The following NAPA variants were observed in gnomAD, a reference collection of about 807,000 sequenced individuals.
NAPA encodes NSF attachment protein alpha.
A neutral mutation model predicts 48.0 loss-of-function variants in NAPA; 18 were observed. The observed-to-expected ratio is 0.38, with a 90% CI of 0.26 to 0.56. The LOEUF is 0.56. NAPA is among the 20% of genes least tolerant of loss of function. The pLI, the probability that NAPA is intolerant of heterozygous loss-of-function variation, is 0.77. For missense variants in NAPA, 315 were observed against 385.0 expected (o/e 0.82, Z 1.52); for synonymous variants, 152 against 149.9 (o/e 1.01, Z -0.10).
chr19:47,492,426 A>C (rs1247330628), intron 7 of NAPA: 2 of 438,314 alleles, frequency 4.6e-6, no homozygotes, highest in African/African-American at 4.0e-5. Flanking sequence ...GACCAACGGG[A>C]GGCTGGCATG....
rs138670584 is a variant in NAPA at position 47,514,573 on chromosome 19, G to T, written c.98+270C>A. ...GTCTTCGGCCTGGGTCCCCTTCCTC[G>T]CCTCAAGATAGTGTCGCCTCGGTCC... is the stretch of plus-strand genomic sequence containing the variant. On this transcript the variant is annotated intron_variant, in intron 1 of 10. Transcript: ENST00000263354. 9.5e-4 allele frequency among the ~76,000 whole-genome samples: 144 copies of T among 152,094 alleles called. 2 individuals carry two copies. The Middle Eastern group carries it at 0.014, about 14-fold the overall frequency.
intron 3 of NAPA, chr19:47,497,054 GAC>G: frequency 3.3e-6 from 1 of 301,262 alleles, no homozygotes; most frequent in South Asian, 2.6e-5. Context: ...GCAGTTTGAA[GAC>G]ACATACATCC....
intron 3 of NAPA, chr19:47,497,501 C>T (rs1380649406): frequency 6.6e-6 from 1 of 152,616 alleles, no homozygotes; most frequent in Non-Finnish European, 1.5e-5. Flanking sequence ...GAGCTTCTGA[C>T]ACACTCATGA....
rs1414348937 is a variant in NAPA at position 47,493,303 on chromosome 19, C to T, written c.420+113G>A. 8.1e-6 allele frequency: 12 copies of T among 1,480,934 alleles called. No homozygotes were observed. Among genetic ancestry groups the T allele is most frequent in the South Asian group, 1.2e-5 (1 of 84,396 alleles). 91.7% of individuals were successfully genotyped at this position (1,480,934 alleles called of 1,614,324 possible). A position where few individuals can be genotyped will look rare whatever the true frequency, so the allele number is the denominator to read the frequency against. ...GACCCCATTCTCCAAGCTCTGCCGGCGCCCCATGCCCCCTTCTCGGCACTC... is the reference window on the plus strand; with the variant it reads ...GACCCCATTCTCCAAGCTCTGCCGGTGCCCCATGCCCCCTTCTCGGCACTC... On this transcript the variant is annotated intron_variant, in intron 5 of 10. Transcript: ENST00000263354. This position sits in a 1 kb window ranked among gnomAD's most constrained non-coding sequence, Gnocchi z 6.4.
At chr19:47,492,726 T>C in intron 7 of NAPA, 1 of 652,708 alleles carries the variant, frequency 1.5e-6, no homozygotes, top group Non-Finnish European at 2.8e-6. Flanking sequence ...GCGAGGGGTG[T>C]GGGAGGGGCA....
intron 3 of NAPA, among the ~76,000 whole-genome samples, chr19:47,497,907 G>C (rs956786480): frequency 6.6e-6 from 1 of 152,204 alleles, no homozygotes; most frequent in South Asian, 2.1e-4. Context: ...CTCTGCCCCA[G>C]GTACACACAC....
downstream of NAPA, among the ~76,000 whole-genome samples, chr19:47,485,242 CAA>C (rs1968037739): frequency 6.6e-6 from 1 of 152,114 alleles, no homozygotes; most frequent in South Asian, 2.1e-4. Context: ...ACGTCCTTTG[CAA>C]ATCTGTCTCA....
chr19:47,494,679 A>G (rs780260606), intron 4 of NAPA, among the ~76,000 whole-genome samples: 2 of 139,312 alleles, frequency 1.4e-5, no homozygotes, highest in Non-Finnish European at 3.1e-5. Context: ...CAGAGGTTGC[A>G]GTGAGTGGAG....
chr19:47,511,223 G>A (rs1014212546), intron 1 of NAPA, among the ~76,000 whole-genome samples: 1 of 152,202 alleles, frequency 6.6e-6, no homozygotes, highest in Admixed American at 6.5e-5. Flanking sequence ...AATAAAGGTG[G>A]GTTATGAAAT....
chr19:47,500,779 C>T lies in NAPA; in HGVS notation c.179-30G>A, dbSNP rs143913685. On this transcript the variant is annotated intron_variant, in intron 2 of 10. Coordinates refer to ENST00000263354, the MANE Select transcript of NAPA (RefSeq NM_003827.4). The stretch of plus-strand genomic sequence containing the variant: ...AACAGAAGAGAAGGGCAGTCCTGGC[C>T]TCAGTGGGGCTCCACACTTTATGAA... 1.5e-4 allele frequency: 224 copies of T among 1,519,534 alleles called. No individual in the cohort carries two copies. In the African/African-American group the frequency reaches 2.6e-3, roughly 18 times the overall value. 94.1% of individuals were successfully genotyped at this position (1,519,534 alleles called of 1,614,324 possible).
intron 1 of NAPA, among the ~76,000 whole-genome samples, chr19:47,511,114 T>C (rs779786328): frequency 6.6e-6 from 1 of 152,174 alleles, no homozygotes; most frequent in Non-Finnish European, 1.5e-5. Context: ...TGTGGGATGC[T>C]GTCATTGCTG....
In NAPA at chr19:47,500,761, G is replaced by T; in HGVS notation, c.179-12C>A. ...CGCGTTTCCAGCAGCTGGAACAGAA[G>T]AGAAGGGCAGTCCTGGCCTCAGTGG... On this transcript the variant is annotated splice_polypyrimidine_tract_variant and intron_variant, in intron 2 of 10. Coordinates refer to ENST00000263354, the MANE Select transcript of NAPA (RefSeq NM_003827.4). The T allele has an allele frequency of 6.3e-7, 1 of 1,593,504 alleles. No homozygotes were observed. Among genetic ancestry groups the T allele is most frequent in the Non-Finnish European group, 8.6e-7 (1 of 1,168,448 alleles).
rs538001600 is a variant in NAPA at position 47,508,049 on chromosome 19, G to A, written c.99-4547C>T. On this transcript the variant is annotated intron_variant, in intron 1 of 10. Transcript: ENST00000263354. ...CCCTCCTCTAGATTAAAGAAGCCAGGGAGCCTGTACTGCCTAGGCTTCCCT... is the reference window on the plus strand; with the variant it reads ...CCCTCCTCTAGATTAAAGAAGCCAGAGAGCCTGTACTGCCTAGGCTTCCCT... Among the ~76,000 whole-genome samples the A allele has an allele frequency of 3.3e-5, 5 of 152,282 alleles. No individual in the cohort carries two copies. In the East Asian group the frequency reaches 9.7e-4, roughly 29 times the overall value.
In NAPA at chr19:47,493,977, A is replaced by G. The variant is rs757312941; in HGVS notation, c.343-484T>C. On this transcript the variant is annotated intron_variant, in intron 4 of 10. Coordinates refer to ENST00000263354, the MANE Select transcript of NAPA (RefSeq NM_003827.4). The surrounding 1 kb of genome is among the most constrained non-coding windows in gnomAD (Gnocchi z 6.4). Reference sequence around the variant, plus strand: ...GCCCCCAGGCCAACACCTATCTGTCAGCCTCCCCCAGGCACACCCAGAGCT... The same window carrying G: ...GCCCCCAGGCCAACACCTATCTGTCGGCCTCCCCCAGGCACACCCAGAGCT... Among the ~76,000 whole-genome samples the G allele has an allele frequency of 2.6e-5, 4 of 152,186 alleles. No homozygotes were observed. The highest frequency in any genetic ancestry group is 4.4e-5 in the Non-Finnish European group (3 of 68,006).
At position 47,498,125 on chromosome 19, in the gene NAPA, C is replaced by A. The variant is rs555179007; in HGVS notation, c.295+2508G>T. ...AGCCCAGTCGGGCCTCAGGCACACTCCAGCTGCCACTTGGGGGCAGGTCCT... is the reference window on the plus strand; with the variant it reads ...AGCCCAGTCGGGCCTCAGGCACACTACAGCTGCCACTTGGGGGCAGGTCCT... On this transcript the variant is annotated intron_variant, in intron 3 of 10. Transcript: ENST00000263354. 2.6e-5 allele frequency among the ~76,000 whole-genome samples: 4 copies of A among 152,224 alleles called. No homozygotes were observed. In the East Asian group the frequency reaches 7.7e-4, roughly 29 times the overall value.
chr19:47,503,361 T>C lies in NAPA; in HGVS notation c.178+62A>G, dbSNP rs752387442. 8 of 1,478,792 alleles carry C rather than the reference T, an allele frequency of 5.4e-6. 1 individual carries two copies. 91.6% of individuals were successfully genotyped at this position (1,478,792 alleles called of 1,614,324 possible). ...AAGGCCAACCTCTCGGGCAGGCCTG[T>C]GTGAGTGGAAGCTGAGGGAGGAGGA... On this transcript the variant is annotated intron_variant, in intron 2 of 10. Coordinates refer to ENST00000263354, the MANE Select transcript of NAPA (RefSeq NM_003827.4).
chr19:47,515,039 C>T lies in NAPA; in HGVS notation c.-99G>A, dbSNP rs1968881191. On this transcript the variant is annotated 5_prime_UTR_variant, in exon 1 of 11. Transcript: ENST00000263354. ...ACACAGATCGGTAAAACTCGCCCGG[C>T]TGCGTTGACGTCGCACCGGCGCGCG... 29 of 1,237,068 alleles carry T rather than the reference C, an allele frequency of 2.3e-5. No homozygotes were observed. The South Asian group carries it at 3.7e-4, about 16-fold the overall frequency. The allele number at this position is 1,237,068 out of a possible 1,614,324, so 76.6% of individuals were successfully genotyped here.
In NAPA at chr19:47,506,870, C is replaced by T. The variant is rs1247072750; in HGVS notation, c.99-3368G>A. 1 of 152,276 alleles carries T rather than the reference C, an allele frequency of 6.6e-6. No homozygotes were observed. The highest frequency in any genetic ancestry group is 2.4e-5 in the African/African-American group (1 of 41,454). 9.4% of individuals were successfully genotyped at this position (152,276 alleles called of 1,614,324 possible). ...TGACAGGAGATCTCCAGGGTCCCATCCTCTTCTTTTAGAAATGGGAGTGAA... is the reference window on the plus strand; with the variant it reads ...TGACAGGAGATCTCCAGGGTCCCATTCTCTTCTTTTAGAAATGGGAGTGAA... On this transcript the variant is annotated intron_variant, in intron 1 of 10. Coordinates refer to ENST00000263354, the MANE Select transcript of NAPA (RefSeq NM_003827.4). This position sits in a 1 kb window ranked among gnomAD's most constrained non-coding sequence, Gnocchi z 4.0.
chr19:47,509,909 T>A (rs1389348978), intron 1 of NAPA, among the ~76,000 whole-genome samples: 1 of 152,214 alleles, frequency 6.6e-6, no homozygotes, highest in Admixed American at 6.5e-5. Flanking sequence ...TCCTTTTTCT[T>A]AAAAGGTGTT....
Sources: gnomAD v4.1 joint callset for allele counts (sites outside exome capture counted in the v4.1 genomes callset) on GRCh38, gnomAD v4.1.1 for gene constraint, Gnocchi (gnomAD v3.1) non-coding constraint, MANE v1.5 for transcripts, NCBI Gene and HGNC (gene_info 2026-07-23, HGNC 2026-07-21) for gene names.